The following PTPRQ variants were observed in gnomAD, a reference collection of about 807,000 sequenced individuals.
PTPRQ encodes the protein phosphatidylinositol phosphatase PTPRQ.
A neutral mutation model predicts 246.0 loss-of-function variants in PTPRQ; 199 were observed. The ratio of observed to expected loss-of-function variants is 0.81; its 90% CI spans 0.72 to 0.91. The LOEUF is 0.91. Among genes scored for constraint, PTPRQ ranks in the 40% least tolerant of loss-of-function variants. PTPRQ has a pLI of 0.00. For synonymous variants in PTPRQ, 869 were observed against 853.2 expected (o/e 1.02, Z -0.32); for missense variants, 2,624 against 2,528.4 (o/e 1.04, Z -0.81).
chr12:80,580,078 G>A (rs1276618973), intron 25 of PTPRQ, among the ~76,000 whole-genome samples: 1 of 152,028 alleles, frequency 6.6e-6, no homozygotes, highest in African/African-American at 2.4e-5. Flanking sequence ...GGAGAGTTTG[G>A]CAATTTCTAA....
In PTPRQ at chr12:80,629,089, T is replaced by C. The variant is rs546882402; in HGVS notation, c.5687-3103T>C. ...TGCAGTGTTCTTACATGGCCTTTCCTTGGTGCATGGATGGAGATAGAGAAA... is the reference window on the plus strand; with the variant it reads ...TGCAGTGTTCTTACATGGCCTTTCCCTGGTGCATGGATGGAGATAGAGAAA... On this transcript the variant is annotated intron_variant, in intron 33 of 44. Coordinates refer to ENST00000644991, the MANE Select transcript of PTPRQ (RefSeq NM_001145026.2). Among the ~76,000 whole-genome samples the C allele has an allele frequency of 3.9e-3, 587 of 150,286 alleles. 3 individuals carry two copies. The highest frequency in any genetic ancestry group is 7.2e-3 in the Admixed American group (109 of 15,096).
rs1233832878 is a variant in PTPRQ, at chr12:80,616,277, G to A, written c.5230+11G>A. On this transcript the variant is annotated intron_variant, in intron 30 of 44. Coordinates refer to ENST00000644991, the MANE Select transcript of PTPRQ (RefSeq NM_001145026.2). Reference sequence around the variant, plus strand: ...CCATGGATATCAAAGGTACATACATGAGCTACCTTCCTATGAAATGCTATT... The same window carrying A: ...CCATGGATATCAAAGGTACATACATAAGCTACCTTCCTATGAAATGCTATT... 1.2e-5 allele frequency: 17 copies of A among 1,464,958 alleles called. No individual in the cohort carries two copies. The highest frequency in any genetic ancestry group is 2.8e-5 in the East Asian group (1 of 35,096). The allele number at this position is 1,464,958 out of a possible 1,614,324, so 90.7% of individuals were successfully genotyped here.
At chr12:80,573,566 CAT>C (rs1414217424) in intron 25 of PTPRQ, among the ~76,000 whole-genome samples, 6 of 152,022 alleles carry the variant, frequency 3.9e-5, no homozygotes, top group Non-Finnish European at 8.8e-5. Context: ...ATACATGTGC[CAT>C]GGTGGTTTGC....
chr12:80,668,933 C>T, intron 39 of PTPRQ, 74 bp from the exon 40 acceptor site: 7 of 1,446,118 alleles, frequency 4.8e-6, no homozygotes, highest in Non-Finnish European at 6.4e-6. Flanking sequence ...GCATATGTTT[C>T]ATGCATTGAT....
At chr12:80,483,342 C>T (rs1894142802) in intron 8 of PTPRQ, among the ~76,000 whole-genome samples, 1 of 131,430 alleles carries the variant, frequency 7.6e-6, no homozygotes, top group African/African-American at 2.9e-5. Flanking sequence ...CACATGGACA[C>T]AGGAAGGGGA....
chr12:80,523,932 G>C (rs979435610), intron 17 of PTPRQ, among the ~76,000 whole-genome samples: 8 of 152,074 alleles, frequency 5.3e-5, no homozygotes, highest in African/African-American at 1.7e-4. Context: ...TTAACTTTCT[G>C]TCTCATTGAT....
chr12:80,562,563 A>C (rs998547433), intron 25 of PTPRQ, among the ~76,000 whole-genome samples: 5 of 152,204 alleles, frequency 3.3e-5, no homozygotes, highest in African/African-American at 9.6e-5. Context: ...AAATACATCA[A>C]ACTGAATATG....
chr12:80,566,048 C>T (rs1486497267), intron 25 of PTPRQ, among the ~76,000 whole-genome samples: 1 of 152,144 alleles, frequency 6.6e-6, no homozygotes, highest in African/African-American at 2.4e-5. Flanking sequence ...GAATAAATCA[C>T]CCATTGCTTC....
Position 80,657,959 on chromosome 12 carries a change from C to A in PTPRQ, c.6116-26C>A. 4 of 1,364,698 alleles carry A rather than the reference C, an allele frequency of 2.9e-6. 1 individual carries two copies. The highest frequency in any genetic ancestry group is 3.6e-5 in the South Asian group (2 of 56,066). 84.5% of individuals were successfully genotyped at this position (1,364,698 alleles called of 1,614,324 possible). On this transcript the variant is annotated intron_variant, in intron 38 of 44. Transcript: ENST00000644991. ...AGTAACAATTTAAAAAGCCAATTAACATTGATTCCTTATATTTTCTTCTAG... is the reference window on the plus strand; with the variant it reads ...AGTAACAATTTAAAAAGCCAATTAAAATTGATTCCTTATATTTTCTTCTAG...
Position 80,650,623 on chromosome 12 carries a change from A to G in PTPRQ, c.6024+954A>G, listed in dbSNP as rs531747701. Among the ~76,000 whole-genome samples the G allele has an allele frequency of 2.0e-5, 3 of 152,122 alleles. No individual in the cohort carries two copies. The East Asian group carries it at 5.8e-4, about 29-fold the overall frequency. On this transcript the variant is annotated intron_variant, in intron 37 of 44. Transcript: ENST00000644991. ...ACAAAAATGAGAGAAGATTAATGGTATTTCCTGCAGCCTTTTGGTTATGCT... is the reference window on the plus strand; with the variant it reads ...ACAAAAATGAGAGAAGATTAATGGTGTTTCCTGCAGCCTTTTGGTTATGCT...
At chr12:80,600,203 A>G (rs1274854211) in intron 26 of PTPRQ, among the ~76,000 whole-genome samples, 1 of 151,812 alleles carries the variant, frequency 6.6e-6, no homozygotes, top group Non-Finnish European at 1.5e-5. Context: ...TAAAATATTT[A>G]GTAGTATAGG....
chr12:80,500,518 C>T (rs529398878), intron 14 of PTPRQ, among the ~76,000 whole-genome samples: 1 of 152,022 alleles, frequency 6.6e-6, no homozygotes, highest in South Asian at 2.1e-4. Flanking sequence ...AGAGAGAAAA[C>T]TTCAATCTAA....
At chr12:80,631,142 A>G (rs1276205234) in intron 33 of PTPRQ, among the ~76,000 whole-genome samples, 1 of 152,206 alleles carries the variant, frequency 6.6e-6, no homozygotes, top group East Asian at 1.9e-4. Context: ...CAGATAAGAA[A>G]CCCAGAAAAG....
chr12:80,614,285 CTT>C (rs1898666678), intron 29 of PTPRQ, among the ~76,000 whole-genome samples: 1 of 150,758 alleles, frequency 6.6e-6, no homozygotes, highest in African/African-American at 2.4e-5. Flanking sequence ...CATTTTATGT[CTT>C]AATTCTAAAT....
intron 17 of PTPRQ, among the ~76,000 whole-genome samples, chr12:80,528,638 C>G (rs1895760021): frequency 6.6e-6 from 1 of 152,060 alleles, no homozygotes; most frequent in African/African-American, 2.4e-5. Context: ...GCAGACAAAC[C>G]CAGCTTCCAT....
intron 6 of PTPRQ, among the ~76,000 whole-genome samples, chr12:80,463,979 G>A (rs1893304631): frequency 6.6e-6 from 1 of 151,134 alleles, no homozygotes; most frequent in Non-Finnish European, 1.5e-5. Flanking sequence ...AAATAAACCA[G>A]CTAACATCAT....
intron 8 of PTPRQ, among the ~76,000 whole-genome samples, chr12:80,475,506 G>A (rs1442513655): frequency 1.3e-5 from 2 of 151,972 alleles, no homozygotes; most frequent in African/African-American, 4.8e-5. Context: ...TAATTGAGTT[G>A]TGTGTTTGAT....
chr12:80,607,703 T>A (rs1179247580), intron 27 of PTPRQ, among the ~76,000 whole-genome samples: 3 of 150,910 alleles, frequency 2.0e-5, no homozygotes, highest in Admixed American at 1.3e-4. Flanking sequence ...GCCTGTCTTC[T>A]ACAAAATACT....
intron 26 of PTPRQ, among the ~76,000 whole-genome samples, chr12:80,603,269 C>G (rs970532215): frequency 2.4e-4 from 36 of 151,236 alleles, no homozygotes; most frequent in Admixed American, 2.0e-3. Context: ...TTGGAAAGAG[C>G]TTATCTACAC....
Sources: allele counts gnomAD v4.1 joint callset (sites outside exome capture counted in the v4.1 genomes callset), GRCh38; gene constraint gnomAD v4.1.1; transcripts MANE v1.5; gene names NCBI Gene and HGNC (gene_info 2026-07-23, HGNC 2026-07-21).